The following COL6A3 variants were observed in gnomAD, a reference collection of about 807,000 sequenced individuals.
COL6A3 encodes collagen alpha-3(VI) chain.
Under a neutral mutation model 274.1 loss-of-function variants are expected in COL6A3, and 137 were observed. The ratio of observed to expected loss-of-function variants is 0.50; its 90% CI spans 0.44 to 0.58. The LOEUF (loss-of-function observed/expected upper bound fraction) is 0.58, where lower values mean the gene tolerates loss of function less well. Among genes scored for constraint, COL6A3 ranks in the 20% least tolerant of loss-of-function variants. COL6A3 has a pLI of 0.00. For missense variants in COL6A3, 3,950 were observed against 4,124.9 expected, an observed-to-expected ratio of 0.96 and a Z score of 1.16; for synonymous variants, 1,650 against 1,650.6, an observed-to-expected ratio of 1.00 and a Z score of 0.01.
Position 237,367,293 on chromosome 2 carries a change from G to A in COL6A3, c.4901-7C>T. On this transcript the variant is annotated splice_region_variant and splice_polypyrimidine_tract_variant and intron_variant, in intron 10 of 43. Coordinates refer to ENST00000295550, the MANE Select transcript of COL6A3 (RefSeq NM_004369.4). ...ATGTCTGCTTTCTTCTTCTCTAGAA[G>A]TGATTAAAGTGAAAATAAGGAGAGA... 6.2e-7 allele frequency: 1 copy of A among 1,609,550 alleles called. No individual in the cohort carries two copies. Among genetic ancestry groups the A allele is most frequent in the South Asian group, 1.1e-5 (1 of 89,948 alleles).
chr2:237,393,620 G>T (rs1467297258), intron 3 of COL6A3, among the ~76,000 whole-genome samples: 1 of 152,104 alleles, frequency 6.6e-6, no homozygotes, highest in African/African-American at 2.4e-5. Flanking sequence ...CTATCAAATG[G>T]CTGCATGGAC....
chr2:237,357,873 C>G lies in COL6A3; in HGVS notation c.6481G>C (p.Gly2161Arg). ...GGTCCTCTCTCCTGGCTGTCTTGTC[C>G]TGGGTTACCCTGAAAGCAACATGGG... ...VGIRGDPGNPGQDSQERGPKG... is the reference protein window; with the variant it reads ...VGIRGDPGNPRQDSQERGPKG... Residue 2161 changes from glycine (G) to arginine (R), a missense_variant, in exon 22 of 44, where the codon GGA becomes CGA. Around this residue, in one of 5 missense-constraint regions of COL6A3, gnomAD observed 1,284 missense variants for 1,349.7 expected, o/e 0.95. Coordinates refer to ENST00000295550, the MANE Select transcript of COL6A3 (RefSeq NM_004369.4). 6.2e-7 allele frequency: 1 copy of G among 1,614,130 alleles called. No homozygotes were observed. Among genetic ancestry groups the G allele is most frequent in the Non-Finnish European group, 8.5e-7 (1 of 1,180,012 alleles).
intron 41 of COL6A3, among the ~76,000 whole-genome samples, chr2:237,334,107 G>A (rs1290693240): frequency 3.9e-5 from 6 of 152,200 alleles, no homozygotes; most frequent in Non-Finnish European, 8.8e-5. Context: ...GGGGGCCCCT[G>A]GGGACAACAG....
chr2:237,397,093 GC>G (rs2106391670), intron 1 of COL6A3, among the ~76,000 whole-genome samples: 1 of 149,304 alleles, frequency 6.7e-6, no homozygotes, highest in Non-Finnish European at 1.5e-5. Context: ...GCACATATAT[GC>G]ATATATAAAA....
intron 3 of COL6A3, among the ~76,000 whole-genome samples, chr2:237,394,043 T>C (rs1246171695): frequency 6.6e-6 from 1 of 152,164 alleles, no homozygotes; most frequent in African/African-American, 2.4e-5. Flanking sequence ...CTAAATTTTT[T>C]CCAAAATCAA....
chr2:237,379,104 G>C lies in COL6A3; in HGVS notation c.2029C>G (p.Arg677Gly), dbSNP rs137923508. The C allele has an allele frequency of 1.2e-6, 2 of 1,614,192 alleles. No individual in the cohort carries two copies. The highest frequency in any genetic ancestry group is 2.2e-5 in the East Asian group (1 of 44,886). Reference protein sequence around the residue: ...NSLDIGNDNIRVGLVQFSDTP... With the variant: ...NSLDIGNDNIGVGLVQFSDTP... The stretch of plus-strand genomic sequence containing the variant: ...TCACTAAATTGCACTAAACCAACAC[G>C]AATATTGTCATTTCCAATATCAAGG... The change falls in exon 6 of 44, where the codon CGT becomes GGT. Residue 677 changes from arginine to glycine, a missense_variant. Transcript: ENST00000295550.
intron 5 of COL6A3, 41 bp downstream of exon 5, chr2:237,380,874 G>T: frequency 6.3e-7 from 1 of 1,587,170 alleles, no homozygotes; most frequent in South Asian, 1.1e-5. Flanking sequence ...GCCCTGCCTG[G>T]AGACCACCCC....
intron 1 of COL6A3, among the ~76,000 whole-genome samples, chr2:237,397,963 A>T (rs2078493365): frequency 1.3e-5 from 2 of 152,244 alleles, no homozygotes; most frequent in Non-Finnish European, 2.9e-5. Flanking sequence ...ATGGGTCAGG[A>T]GTAAAAGCAC....
chr2:237,374,054 G>GAA lies in COL6A3; in HGVS notation c.3679+357_3679+358insTT, dbSNP rs2077764897. 6.6e-6 allele frequency among the ~76,000 whole-genome samples: 1 copy of GAA among 152,174 alleles called. No homozygotes were observed. Among genetic ancestry groups the GAA allele is most frequent in the Non-Finnish European group, 1.5e-5 (1 of 68,038 alleles). On this transcript the variant is annotated intron_variant, in intron 8 of 43. Coordinates refer to ENST00000295550, the MANE Select transcript of COL6A3 (RefSeq NM_004369.4). This position sits in a 1 kb window ranked among gnomAD's most constrained non-coding sequence, Gnocchi z 4.8. The stretch of plus-strand genomic sequence containing the variant: ...GAAGGCTGCTGACCAAACCTACCAG[G>GAA]GGTCGCAGGACTGATACGCAACAGG...
rs1185365265 is a variant in COL6A3 at position 237,368,637 on chromosome 2, A to T, written c.4826T>A (p.Ile1609Asn). 6.2e-7 allele frequency: 1 copy of T among 1,614,022 alleles called. No homozygotes were observed. Among genetic ancestry groups the T allele is most frequent in the Non-Finnish European group, 8.5e-7 (1 of 1,179,990 alleles). ...FRELPNIEER[I>N]MNSFGPSAAT... ...TGCGGAGGGTCCAAACGAGTTCATG[A>T]TTCTTTCTTCTATGTTGGGAAGCTC... Residue 1609 changes from isoleucine (I) to asparagine (N), a missense_variant, in exon 10 of 44, where the codon ATC (isoleucine) becomes AAC (asparagine). Transcript: ENST00000295550. The surrounding 1 kb of genome is among the most constrained non-coding windows in gnomAD (Gnocchi z 4.4).
At chr2:237,330,604 G>T (rs1391361978) in intron 42 of COL6A3, among the ~76,000 whole-genome samples, 8 of 152,146 alleles carry the variant, frequency 5.3e-5, no homozygotes, top group Non-Finnish European at 1.0e-4. Context: ...TGGAATCAAG[G>T]CCTGTTAACA....
At chr2:237,342,729 G>A (rs896479544) in intron 36 of COL6A3, 3 of 159,832 alleles carry the variant, frequency 1.9e-5, no homozygotes, top group East Asian at 1.7e-4. Context: ...TTTTGATCTC[G>A]TTGAAACCAT....
rs527895236 is a variant in COL6A3 at position 237,394,390 on chromosome 2, G to A, written c.709+197C>T. 5.8e-4 allele frequency among the ~76,000 whole-genome samples: 89 copies of A among 152,348 alleles called. 1 individual carries two copies. In the South Asian group the frequency reaches 6.2e-3, roughly 11 times the overall value. ...AGTTGTTTAAAAAAAGACTCTTCTTGTATGTAGGTGAATGCCCTACTTGGG... is the reference window on the plus strand; with the variant it reads ...AGTTGTTTAAAAAAAGACTCTTCTTATATGTAGGTGAATGCCCTACTTGGG... On this transcript the variant is annotated intron_variant, in intron 3 of 43. Coordinates refer to ENST00000295550, the MANE Select transcript of COL6A3 (RefSeq NM_004369.4).
chr2:237,359,225 T>A lies in COL6A3; in HGVS notation c.6335A>T (p.Asp2112Val). 6.2e-7 allele frequency: 1 copy of A among 1,614,208 alleles called. No individual in the cohort carries two copies. The change falls in exon 19 of 44, where the codon GAT becomes GTT. Residue 2112 changes from aspartate to valine, a missense_variant. This residue lies in a region of COL6A3 where 92 missense variants were observed against 143.4 expected (regional missense o/e 0.64). Transcript: ENST00000295550. The part of the protein sequence containing the change: ...EKGEVGEIGL[D>V]GLDGEDGDKG... The stretch of plus-strand genomic sequence containing the variant: ...ACTTACATCTTCACCATCCAGACCA[T>A]CCAGTCCAATTTCTCCTACTTCGCC...
Position 237,342,172 on chromosome 2 carries a change from C to A in COL6A3, c.7669-11G>T. 1 of 1,612,708 alleles carries A rather than the reference C, an allele frequency of 6.2e-7. No homozygotes were observed. Among genetic ancestry groups the A allele is most frequent in the East Asian group, 2.2e-5 (1 of 44,876 alleles). ...TGCTGTGTTATTGATCTGGTTTAAACAAAAGAACAATTTTGGTAGGGGCGT... is the reference window on the plus strand; with the variant it reads ...TGCTGTGTTATTGATCTGGTTTAAAAAAAAGAACAATTTTGGTAGGGGCGT... On this transcript the variant is annotated splice_polypyrimidine_tract_variant and intron_variant, in intron 36 of 43. Coordinates refer to ENST00000295550, the MANE Select transcript of COL6A3 (RefSeq NM_004369.4).
chr2:237,412,181 A>G (rs951061224), intron 1 of COL6A3, among the ~76,000 whole-genome samples: 1 of 152,180 alleles, frequency 6.6e-6, no homozygotes, highest in Non-Finnish European at 1.5e-5. Context: ...CCAGGCTTTC[A>G]TCCTCAGCTA....
intron 1 of COL6A3, among the ~76,000 whole-genome samples, chr2:237,409,180 G>A (rs904619801): frequency 6.6e-6 from 1 of 152,108 alleles, no homozygotes; most frequent in Non-Finnish European, 1.5e-5. Context: ...CAAGGTAGTA[G>A]TTTTTTTGAT....
intron 9 of COL6A3, among the ~76,000 whole-genome samples, chr2:237,370,815 G>A (rs546118923): frequency 5.3e-5 from 8 of 152,244 alleles, no homozygotes; most frequent in African/African-American, 1.9e-4. Context: ...ACATGGCCTT[G>A]GGGTTCTCCT....
Position 237,348,496 on chromosome 2 carries a change from C to A in COL6A3, c.6931-112G>T, listed in dbSNP as rs967332380. On this transcript the variant is annotated intron_variant, in intron 29 of 43. Coordinates refer to ENST00000295550, the MANE Select transcript of COL6A3 (RefSeq NM_004369.4). ...CTGAGTCATCAAACGAAAACACTCA[C>A]TCAAATACAAAGACAATTTTTAAAG... 2.0e-5 allele frequency: 27 copies of A among 1,356,760 alleles called. No individual in the cohort carries two copies. In the African/African-American group the frequency reaches 3.5e-4, roughly 18 times the overall value. The allele number at this position is 1,356,760 out of a possible 1,614,324, so 84.0% of individuals were successfully genotyped here.
Sources: gnomAD v4.1 joint callset for allele counts (sites outside exome capture counted in the v4.1 genomes callset) on GRCh38, gnomAD v4.1.1 for gene constraint, gnomAD v4.1.1 regional missense constraint, Gnocchi (gnomAD v3.1) non-coding constraint, MANE v1.5 for transcripts, NCBI Gene and HGNC (gene_info 2026-07-23, HGNC 2026-07-21) for gene names.